The following SNW1 variants were observed in gnomAD, a reference collection of about 807,000 sequenced individuals.
SNW1 encodes the protein SNW domain-containing protein 1.
SNW1 carries 9 observed loss-of-function variants against 75.6 expected under a neutral mutation model. The observed-to-expected ratio is 0.12, with a 90% CI of 0.07 to 0.21. The LOEUF is 0.21. SNW1 is among the 10% of genes least tolerant of loss of function. The probability of loss-of-function intolerance (pLI) is 1.00; values close to 1 mark genes in which losing one functional copy is unlikely to be tolerated. For synonymous variants in SNW1, 200 were observed against 219.1 expected (o/e 0.91, Z 0.77); for missense variants, 409 against 670.9 (o/e 0.61, Z 4.31).
Position 77,755,808 on chromosome 14 carries a change from A to G in SNW1, c.15-688T>C, listed in dbSNP as rs148334313. On this transcript the variant is annotated intron_variant, in intron 1 of 13. Coordinates refer to ENST00000261531, the MANE Select transcript of SNW1 (RefSeq NM_012245.3). Reference sequence around the variant, plus strand: ...GGCTAGAGTGCAGTGGCACCATCTCAGCTCACTGCAGCCTCCACCTCCTGG... The same window carrying G: ...GGCTAGAGTGCAGTGGCACCATCTCGGCTCACTGCAGCCTCCACCTCCTGG... Among the ~76,000 whole-genome samples, 1,252 of 145,676 alleles carry G rather than the reference A, an allele frequency of 8.6e-3. 13 individuals carry two copies. The highest frequency in any genetic ancestry group is 0.03 in the African/African-American group (1,195 of 39,184).
At chr14:77,744,145 A>C (rs1319779089) in intron 3 of SNW1, among the ~76,000 whole-genome samples, 1 of 151,506 alleles carries the variant, frequency 6.6e-6, no homozygotes, top group Non-Finnish European at 1.5e-5. Flanking sequence ...CAAAAAAAAA[A>C]AAAAAGAAAA....
chr14:77,734,479 C>T (rs1318669478), intron 8 of SNW1, among the ~76,000 whole-genome samples: 3 of 152,238 alleles, frequency 2.0e-5, no homozygotes, highest in African/African-American at 7.2e-5. Context: ...GTGGCTCACA[C>T]CTGCAATCTA....
Position 77,717,668 on chromosome 14 carries a change from T to C in SNW1, c.*420A>G, listed in dbSNP as rs1263164931. On this transcript the variant is annotated 3_prime_UTR_variant, in exon 14 of 14. Coordinates refer to ENST00000261531, the MANE Select transcript of SNW1 (RefSeq NM_012245.3). ...AAGAGGTTACTTTGCCCACTCCAAA[T>C]TAAAACAGAGCACAATAGGGGCAAA... 1 of 1,142,406 alleles carries C rather than the reference T, an allele frequency of 8.8e-7. No homozygotes were observed. Among genetic ancestry groups the C allele is most frequent in the Non-Finnish European group, 1.3e-6 (1 of 789,192 alleles). 70.8% of individuals were successfully genotyped at this position (1,142,406 alleles called of 1,614,324 possible). A position where few individuals can be genotyped will look rare whatever the true frequency, so the allele number is the denominator to read the frequency against.
intron 3 of SNW1, among the ~76,000 whole-genome samples, chr14:77,749,764 GA>G (rs2080793061): frequency 6.6e-6 from 1 of 152,138 alleles, no homozygotes; most frequent in Non-Finnish European, 1.5e-5. Context: ...ACAAACAAAT[GA>G]CAAGAAAAAC....
intron 8 of SNW1, 60 bp downstream of exon 8, chr14:77,734,887 G>T: frequency 8.8e-7 from 1 of 1,132,558 alleles, no homozygotes; most frequent in South Asian, 1.3e-5. Flanking sequence ...GGCTGTAGTT[G>T]TTTTACTGGT....
intron 3 of SNW1, among the ~76,000 whole-genome samples, chr14:77,747,811 G>A (rs1046590503): frequency 6.9e-6 from 1 of 145,182 alleles, no homozygotes; most frequent in Admixed American, 6.8e-5. Context: ...GCCTCTGCCT[G>A]GCCGCCGCCC....
intron 8 of SNW1, among the ~76,000 whole-genome samples, chr14:77,734,291 CTT>C (rs2080652270): frequency 6.6e-6 from 1 of 152,164 alleles, no homozygotes; most frequent in Non-Finnish European, 1.5e-5. Flanking sequence ...TTACTCTGTT[CTT>C]TTGTCATATA....
chr14:77,749,442 TGC>T (rs1440995107), intron 3 of SNW1, among the ~76,000 whole-genome samples: 1 of 152,118 alleles, frequency 6.6e-6, no homozygotes, highest in African/African-American at 2.4e-5. Flanking sequence ...GACAGAACAC[TGC>T]GAGTAGGTAC....
chr14:77,737,847 C>T (rs569477377), intron 5 of SNW1, among the ~76,000 whole-genome samples: 1 of 151,200 alleles, frequency 6.6e-6, no homozygotes, highest in African/African-American at 2.4e-5. Flanking sequence ...CAAAAATTAG[C>T]TGAGCATGGT....
chr14:77,755,567 C>T lies in SNW1; in HGVS notation c.15-447G>A, dbSNP rs982734410. ...CCAAGTAGCTGGGATTACAAGCATG[C>T]GCCACCACACCAGGCTAATTTTTGC... On this transcript the variant is annotated intron_variant, in intron 1 of 13. Transcript: ENST00000261531. Among the ~76,000 whole-genome samples the T allele has an allele frequency of 7.2e-5, 11 of 151,768 alleles. No individual in the cohort carries two copies. In the South Asian group the frequency reaches 8.3e-4, roughly 11 times the overall value.
rs1340530907 is a variant in SNW1 at position 77,737,128 on chromosome 14, G to GT, written c.534-54dup. 4.7e-6 allele frequency: 6 copies of GT among 1,276,288 alleles called. No individual in the cohort carries two copies. In the African/African-American group the frequency reaches 5.9e-5, roughly 12 times the overall value. The allele number at this position is 1,276,288 out of a possible 1,614,324, so 79.1% of individuals were successfully genotyped here. A position where few individuals can be genotyped will look rare whatever the true frequency, so the allele number is the denominator to read the frequency against. ...TGTAATTAGTTCAAGCTTTCAGTAGGTATTTTCCTTCTATTACAATCTTAA... is the reference window on the plus strand; with the variant it reads ...TGTAATTAGTTCAAGCTTTCAGTAGGTTATTTTCCTTCTATTACAATCTTAA... On this transcript the variant is annotated intron_variant, in intron 5 of 13. Transcript: ENST00000261531.
At chr14:77,742,724 G>A (rs537906756) in intron 3 of SNW1, among the ~76,000 whole-genome samples, 2 of 151,866 alleles carry the variant, frequency 1.3e-5, no homozygotes, top group Non-Finnish European at 2.9e-5. Context: ...GGTATAGTAC[G>A]TGTGTAACAT....
intron 2 of SNW1, among the ~76,000 whole-genome samples, chr14:77,751,813 C>G (rs2080809204): frequency 1.2e-5 from 1 of 82,842 alleles, no homozygotes; most frequent in South Asian, 3.8e-4. Flanking sequence ...AAGACACACA[C>G]ACACACACAC....
chr14:77,754,753 C>T (rs2080831563), intron 2 of SNW1, among the ~76,000 whole-genome samples: 1 of 152,158 alleles, frequency 6.6e-6, no homozygotes, highest in Admixed American at 6.5e-5. Flanking sequence ...ACAAATGGTA[C>T]AGTTCTCTAG....
At chr14:77,747,450 G>GC (rs2080770002) in intron 3 of SNW1, among the ~76,000 whole-genome samples, 1 of 151,536 alleles carries the variant, frequency 6.6e-6, no homozygotes, top group Non-Finnish European at 1.5e-5. Context: ...CTTCCCGGCC[G>GC]CCATCCCGTC....
intron 10 of SNW1, among the ~76,000 whole-genome samples, chr14:77,728,581 T>A (rs927711154): frequency 6.6e-6 from 1 of 152,234 alleles, no homozygotes; most frequent in Admixed American, 6.5e-5. Flanking sequence ...GCTGGCTGGA[T>A]CTTGATTTCC....
chr14:77,738,689 T>TTGC (rs1231846952), intron 5 of SNW1, 89 bp downstream of exon 5: 2 of 854,752 alleles, frequency 2.3e-6, no homozygotes, highest in African/African-American at 3.4e-5. Flanking sequence ...TTTATAATGG[T>TTGC]TGCTAAGTGG....
intron 2 of SNW1, among the ~76,000 whole-genome samples, chr14:77,754,190 A>G (rs923359060): frequency 2.6e-5 from 4 of 151,586 alleles, no homozygotes; most frequent in African/African-American, 9.7e-5. Context: ...GATTACAGGC[A>G]TGCGCCACCA....
chr14:77,737,372 G>T (rs2080681593), intron 5 of SNW1, among the ~76,000 whole-genome samples: 1 of 152,080 alleles, frequency 6.6e-6, no homozygotes, highest in African/African-American at 2.4e-5. Context: ...CTAGAAAATA[G>T]TACCTATTTA....
Sources: gnomAD v4.1 joint callset for allele counts (sites outside exome capture counted in the v4.1 genomes callset) on GRCh38, gnomAD v4.1.1 for gene constraint, MANE v1.5 for transcripts, NCBI Gene and HGNC (gene_info 2026-07-23, HGNC 2026-07-21) for gene names.